PHACTR3: variants seen among roughly 807,000 people sequenced by gnomAD.
PHACTR3 encodes protein phosphatase 1, regulatory subunit 123.
PHACTR3 carries 16 observed loss-of-function variants against 66.8 expected under a neutral mutation model. That is an observed-to-expected ratio of 0.24 (90% CI 0.16 to 0.36). PHACTR3 has a LOEUF of 0.36. Among genes scored for constraint, PHACTR3 ranks in the 10% least tolerant of loss-of-function variants. The pLI is 1.00. For missense variants in PHACTR3, 647 were observed against 719.9 expected, an observed-to-expected ratio of 0.90 and a Z score of 1.16; for synonymous variants, 323 against 292.1, an observed-to-expected ratio of 1.11 and a Z score of -1.08.
chr20:59,631,520 C>A (rs931207441), intron 1 of PHACTR3, among the ~76,000 whole-genome samples: 2 of 151,904 alleles, frequency 1.3e-5, no homozygotes, highest in South Asian at 4.2e-4. Context: ...TTTACAGGGG[C>A]CTTGACAGAG....
chr20:59,822,365 G>T (rs568563144), intron 8 of PHACTR3, among the ~76,000 whole-genome samples: 1 of 147,128 alleles, frequency 6.8e-6, no homozygotes, highest in Non-Finnish European at 1.5e-5. Flanking sequence ...GGCCTAGGAT[G>T]GGGGGAAGAA....
chr20:59,627,259 C>T (rs1048531167), intron 1 of PHACTR3, among the ~76,000 whole-genome samples: 2 of 152,176 alleles, frequency 1.3e-5, no homozygotes, highest in African/African-American at 4.8e-5. Context: ...GCCCTTCCTC[C>T]CTCCCTCACT....
rs1299109292 is a variant in PHACTR3, at chr20:59,578,857, A to AGC, written c.109+1241_109+1242dup. Among the ~76,000 whole-genome samples the AGC allele has an allele frequency of 1.6e-4, 25 of 152,304 alleles. No individual in the cohort carries two copies. The East Asian group carries it at 4.8e-3, about 29-fold the overall frequency. On this transcript the variant is annotated intron_variant, in intron 1 of 12. Coordinates refer to the PHACTR3 transcript ENST00000359926. ...GAGGAGAAGCTCGTGGCAGAAGCTG[A>AGC]GCTCAGGCACAGAGGATGGGCAGCT...
chr20:59,651,367 C>T (rs2035454233), intron 1 of PHACTR3, among the ~76,000 whole-genome samples: 1 of 152,036 alleles, frequency 6.6e-6, no homozygotes, highest in Non-Finnish European at 1.5e-5. Context: ...TAGTTGGTTG[C>T]CAAAATGGCC....
At chr20:59,663,425 C>T (rs960123450) in intron 1 of PHACTR3, among the ~76,000 whole-genome samples, 5 of 152,188 alleles carry the variant, frequency 3.3e-5, no homozygotes, top group South Asian at 4.1e-4. Context: ...CAGAAACACA[C>T]ATGGACGTGT....
chr20:59,667,501 TG>T (rs2036033652), intron 1 of PHACTR3, among the ~76,000 whole-genome samples: 1 of 152,252 alleles, frequency 6.6e-6, no homozygotes, highest in Middle Eastern at 3.2e-3. Flanking sequence ...CATGAGGCCT[TG>T]TGATAGATGC....
intron 10 of PHACTR3, among the ~76,000 whole-genome samples, chr20:59,840,727 T>C (rs1368036402): frequency 6.6e-6 from 1 of 152,230 alleles, no homozygotes; most frequent in Non-Finnish European, 1.5e-5. Flanking sequence ...GGCATTTTCT[T>C]AATTTACAGT....
intron 1 of PHACTR3, among the ~76,000 whole-genome samples, chr20:59,725,959 G>A (rs531112092): frequency 4.6e-5 from 7 of 152,280 alleles, no homozygotes; most frequent in Admixed American, 1.3e-4. Flanking sequence ...TCCGCTTGGG[G>A]TCAGGCCATG....
At chr20:59,682,119 C>T (rs2036682365) in intron 1 of PHACTR3, among the ~76,000 whole-genome samples, 1 of 152,134 alleles carries the variant, frequency 6.6e-6, no homozygotes, top group Non-Finnish European at 1.5e-5. Context: ...GCAGGTGGAT[C>T]ACTTGAGGCC....
chr20:59,621,812 G>A (rs780338871), intron 1 of PHACTR3, among the ~76,000 whole-genome samples: 42 of 152,204 alleles, frequency 2.8e-4, no homozygotes, highest in Non-Finnish European at 5.3e-4. Context: ...CAAAGGAAGG[G>A]AGGTCACCTC....
In PHACTR3 at chr20:59,830,354, G is replaced by C. The variant is rs1053676699; in HGVS notation, c.1329-6151G>C. ...GTGAGTATTTGATGGAGGAGGGTGTGTCTGATGGAGACGGTGTGAATGTCT... is the reference window on the plus strand; with the variant it reads ...GTGAGTATTTGATGGAGGAGGGTGTCTCTGATGGAGACGGTGTGAATGTCT... On this transcript the variant is annotated intron_variant, in intron 8 of 12. Coordinates refer to ENST00000371015, the MANE Select transcript of PHACTR3 (RefSeq NM_080672.5). This position sits in a 1 kb window ranked among gnomAD's most constrained non-coding sequence, Gnocchi z 5.8. Among the ~76,000 whole-genome samples the C allele has an allele frequency of 2.6e-5, 4 of 151,860 alleles. No individual in the cohort carries two copies. The highest frequency in any genetic ancestry group is 5.9e-5 in the Non-Finnish European group (4 of 68,022).
chr20:59,762,916 G>C (rs1446925683), intron 4 of PHACTR3, among the ~76,000 whole-genome samples: 2 of 152,216 alleles, frequency 1.3e-5, no homozygotes, highest in Non-Finnish European at 2.9e-5. Context: ...GTGGGTACAG[G>C]GTGGAGAGGA....
chr20:59,716,256 GTGTGTGTT>G lies in PHACTR3; in HGVS notation c.119-26850_119-26843del, dbSNP rs2038089059. Among the ~76,000 whole-genome samples, 8 of 107,804 alleles carry G rather than the reference GTGTGTGTT, an allele frequency of 7.4e-5. No individual in the cohort carries two copies. The South Asian group carries it at 2.2e-3, about 30-fold the overall frequency. The allele number at this position is 107,804 out of a possible 152,430, so 70.7% of individuals were successfully genotyped here. A position where few individuals can be genotyped will look rare whatever the true frequency, so the allele number is the denominator to read the frequency against. ...TGTGTGTGTGTGTGTGTGTGTGTGT[GTGTGTGTT>G]GTGACAGAGTCTCGTTCTGTTGCCC... On this transcript the variant is annotated intron_variant, in intron 1 of 12. Transcript: ENST00000371015.
intron 8 of PHACTR3, among the ~76,000 whole-genome samples, chr20:59,823,855 TG>T (rs1241938428): frequency 3.9e-5 from 6 of 152,238 alleles, no homozygotes; most frequent in Non-Finnish European, 5.9e-5. Context: ...ATTTAATCAA[TG>T]TGCATTAAAA....
chr20:59,763,535 C>A (rs2040074561), intron 4 of PHACTR3, among the ~76,000 whole-genome samples: 1 of 152,084 alleles, frequency 6.6e-6, no homozygotes, highest in Admixed American at 6.6e-5. Flanking sequence ...TTTGTGGGGA[C>A]CAAGATTCAA....
At chr20:59,719,379 G>C (rs1032500660) in intron 1 of PHACTR3, among the ~76,000 whole-genome samples, 43 of 152,276 alleles carry the variant, frequency 2.8e-4, no homozygotes, top group Admixed American at 2.0e-3. Flanking sequence ...TGGCCAGGCT[G>C]GTCTTGAACT....
At chr20:59,754,912 G>C (rs1483907926) in intron 3 of PHACTR3, among the ~76,000 whole-genome samples, 1 of 152,234 alleles carries the variant, frequency 6.6e-6, no homozygotes, top group Non-Finnish European at 1.5e-5. Flanking sequence ...TGGCTCAGGG[G>C]CACTGCAGTC....
intron 1 of PHACTR3, among the ~76,000 whole-genome samples, chr20:59,704,562 CTTTT>C (rs11331156): frequency 8.9e-5 from 8 of 89,468 alleles, no homozygotes; most frequent in African/African-American, 2.5e-4. Context: ...TGAGAATAGT[CTTTT>C]TTTTTTTTTT....
Position 59,845,174 on chromosome 20 carries a change from G to A in PHACTR3, c.1588-15G>A. The A allele has an allele frequency of 6.5e-7, 1 of 1,529,774 alleles. No homozygotes were observed. The highest frequency in any genetic ancestry group is 9.0e-7 in the Non-Finnish European group (1 of 1,106,792). The allele number at this position is 1,529,774 out of a possible 1,614,324, so 94.8% of individuals were successfully genotyped here. Reference sequence around the variant, plus strand: ...TTAATATCCTGTAAAACAATGTCTTGTTTTTAAATTTCAGGCAGCAATTCG... The same window carrying A: ...TTAATATCCTGTAAAACAATGTCTTATTTTTAAATTTCAGGCAGCAATTCG... On this transcript the variant is annotated splice_polypyrimidine_tract_variant and intron_variant, in intron 11 of 12. Transcript: ENST00000371015.
Sources: gnomAD v4.1 joint callset for allele counts (sites outside exome capture counted in the v4.1 genomes callset) on GRCh38, gnomAD v4.1.1 for gene constraint, Gnocchi (gnomAD v3.1) non-coding constraint, MANE v1.5 for transcripts, NCBI Gene and HGNC (gene_info 2026-07-23, HGNC 2026-07-21) for gene names.